Variants in NKAIN2 observed in about 807,000 individuals in gnomAD.
The protein encoded by NKAIN2 is sodium/potassium transporting ATPase interacting 2.
In NKAIN2, 14 loss-of-function variants were observed where a neutral mutation model predicts 32.6. The observed-to-expected ratio is 0.43, with a 90% CI of 0.28 to 0.67. The LOEUF (loss-of-function observed/expected upper bound fraction) is 0.67, where lower values mean the gene tolerates loss of function less well. Among genes scored for constraint, NKAIN2 ranks in the 30% least tolerant of loss-of-function variants. The pLI is 0.17. For synonymous variants in NKAIN2, 80 were observed against 87.2 expected (o/e 0.92, Z 0.46); for missense variants, 198 against 258.3 (o/e 0.77, Z 1.60).
chr6:124,318,702 A>G (rs1483980328), intron 2 of NKAIN2, among the ~76,000 whole-genome samples: 2 of 152,074 alleles, frequency 1.3e-5, no homozygotes, highest in East Asian at 3.9e-4. Context: ...TGAGGAAGTT[A>G]TGCTGACACT....
intron 1 of NKAIN2, among the ~76,000 whole-genome samples, chr6:123,993,842 A>G (rs1441652513): frequency 6.6e-6 from 1 of 152,210 alleles, no homozygotes; most frequent in Non-Finnish European, 1.5e-5. Flanking sequence ...ATATTTCTGA[A>G]TTATGAAAGA....
At chr6:124,612,501 T>C (rs1782730852) in intron 3 of NKAIN2, among the ~76,000 whole-genome samples, 2 of 152,158 alleles carry the variant, frequency 1.3e-5, no homozygotes, top group African/African-American at 4.8e-5. Flanking sequence ...AGGGGAACTC[T>C]ATGTGGAGAT....
chr6:124,124,908 T>A (rs895906583), intron 1 of NKAIN2, among the ~76,000 whole-genome samples: 1 of 152,162 alleles, frequency 6.6e-6, no homozygotes, highest in Non-Finnish European at 1.5e-5. Context: ...GCTAATATTG[T>A]AGAGTCCATT....
chr6:124,326,513 T>A (rs566439686), intron 2 of NKAIN2, among the ~76,000 whole-genome samples: 14 of 152,264 alleles, frequency 9.2e-5, no homozygotes, highest in African/African-American at 3.1e-4. Flanking sequence ...ATCTCCTCAA[T>A]TCTATTTTTC....
At chr6:124,024,955 AGC>A (rs1781038753) in intron 1 of NKAIN2, among the ~76,000 whole-genome samples, 7 of 151,392 alleles carry the variant, frequency 4.6e-5, no homozygotes, top group African/African-American at 7.3e-5. Flanking sequence ...CCACTGCTCC[AGC>A]CTGGCAACAG....
intron 1 of NKAIN2, among the ~76,000 whole-genome samples, chr6:124,247,942 G>A (rs1186378705): frequency 2.0e-5 from 3 of 152,060 alleles, no homozygotes; most frequent in African/African-American, 7.2e-5. Flanking sequence ...AATTAAAAGA[G>A]TGTTAGCTAT....
chr6:124,497,134 T>A (rs1202052101), intron 3 of NKAIN2, among the ~76,000 whole-genome samples: 1 of 152,168 alleles, frequency 6.6e-6, no homozygotes, highest in Non-Finnish European at 1.5e-5. Flanking sequence ...TCTGAAAACA[T>A]ATAAAAGATA....
intron 2 of NKAIN2, among the ~76,000 whole-genome samples, chr6:124,315,807 A>G (rs1302735872): frequency 1.3e-5 from 2 of 152,164 alleles, no homozygotes; most frequent in Non-Finnish European, 2.9e-5. Context: ...AAAAATGTGC[A>G]GGATATATTA....
At chr6:123,897,118 G>C (rs1774322474) in intron 1 of NKAIN2, among the ~76,000 whole-genome samples, 1 of 152,052 alleles carries the variant, frequency 6.6e-6, no homozygotes, top group Non-Finnish European at 1.5e-5. Context: ...AGCTATATCA[G>C]TCTGCATTTC....
At position 124,684,019 on chromosome 6, in the gene NKAIN2, G is replaced by C. The variant is rs1385405713; in HGVS notation, c.474+25633G>C. Among the ~76,000 whole-genome samples, 5 of 152,128 alleles carry C rather than the reference G, an allele frequency of 3.3e-5. No individual in the cohort carries two copies. In the East Asian group the frequency reaches 9.6e-4, roughly 29 times the overall value. On this transcript the variant is annotated intron_variant, in intron 4 of 6. Coordinates refer to ENST00000368417, the MANE Select transcript of NKAIN2 (RefSeq NM_001040214.3). ...CAACACATAAACCAGTAAATTAGGG[G>C]TGAGCATTTACATCATAAAATTAAT...
intron 3 of NKAIN2, among the ~76,000 whole-genome samples, chr6:124,405,766 T>G (rs549434933): frequency 7.9e-5 from 12 of 152,208 alleles, no homozygotes; most frequent in Middle Eastern, 3.4e-3. Flanking sequence ...CAAAATATTG[T>G]TTTAAATACA....
intron 1 of NKAIN2, among the ~76,000 whole-genome samples, chr6:123,950,488 A>G (rs1163428194): frequency 5.3e-5 from 8 of 151,922 alleles, no homozygotes; most frequent in Non-Finnish European, 1.2e-4. Flanking sequence ...CTCATTTCTC[A>G]TTATTGATCT....
chr6:124,003,949 G>A (rs1291415470), intron 1 of NKAIN2, among the ~76,000 whole-genome samples: 2 of 152,170 alleles, frequency 1.3e-5, no homozygotes, highest in Non-Finnish European at 2.9e-5. Context: ...ACTAGAAATT[G>A]ACATAGGAAA....
intron 4 of NKAIN2, among the ~76,000 whole-genome samples, chr6:124,711,400 A>T (rs1023284075): frequency 1.5e-5 from 2 of 136,868 alleles, no homozygotes; most frequent in African/African-American, 5.6e-5. Context: ...CCTGGATAAT[A>T]TCCTGCAGAG....
intron 3 of NKAIN2, among the ~76,000 whole-genome samples, chr6:124,625,098 A>G (rs906658288): frequency 2.0e-5 from 3 of 146,378 alleles, no homozygotes; most frequent in Non-Finnish European, 3.1e-5. Context: ...ATCCTCCTCA[A>G]TATTGATCTG....
chr6:123,930,649 C>G (rs946956993), intron 1 of NKAIN2, among the ~76,000 whole-genome samples: 3 of 152,046 alleles, frequency 2.0e-5, no homozygotes, highest in African/African-American at 7.2e-5. Context: ...TAACAAATCC[C>G]CTAGAATAGT....
At chr6:124,387,464 A>G (rs985902416) in intron 3 of NKAIN2, among the ~76,000 whole-genome samples, 1 of 152,120 alleles carries the variant, frequency 6.6e-6, no homozygotes, top group Non-Finnish European at 1.5e-5. Flanking sequence ...TAGTATGCCA[A>G]TGCCTGGCTG....
chr6:124,179,424 T>A (rs1249775655), intron 1 of NKAIN2, among the ~76,000 whole-genome samples: 1 of 152,230 alleles, frequency 6.6e-6, no homozygotes, highest in Non-Finnish European at 1.5e-5. Context: ...TCTTAAAGTG[T>A]TATATAGCAC....
At chr6:124,608,713 G>A (rs986328098) in intron 3 of NKAIN2, among the ~76,000 whole-genome samples, 3 of 152,106 alleles carry the variant, frequency 2.0e-5, no homozygotes, top group African/African-American at 7.2e-5. Flanking sequence ...TTTAAACACT[G>A]CACCTGACAA....
Sources: allele counts gnomAD v4.1 joint callset (sites outside exome capture counted in the v4.1 genomes callset), GRCh38; gene constraint gnomAD v4.1.1; transcripts MANE v1.5; gene names NCBI Gene and HGNC (gene_info 2026-07-23, HGNC 2026-07-21).